The following SLC17A1 variants were observed in gnomAD, a reference collection of about 807,000 sequenced individuals.
SLC17A1 encodes sodium-dependent phosphate transport protein 1.
In SLC17A1, 51 loss-of-function variants were observed where a neutral mutation model predicts 53.5. The observed-to-expected ratio is 0.95, with a 90% CI of 0.76 to 1.20. The LOEUF (loss-of-function observed/expected upper bound fraction) is 1.20. Ranked by LOEUF, SLC17A1 falls within the 50% of genes most tolerant of loss-of-function variation. SLC17A1 has a pLI of 0.00. For synonymous variants in SLC17A1, 179 were observed against 198.8 expected (o/e 0.90, Z 0.84); for missense variants, 538 against 568.2 (o/e 0.95, Z 0.54).
intron 1 of SLC17A1, 135 bp from the exon 2 acceptor site, chr6:25,830,742 AT>A (rs1281689881): frequency 6.0e-6 from 3 of 503,662 alleles, no homozygotes; most frequent in Non-Finnish European, 1.1e-5. Context: ...ATTCACCTCC[AT>A]TATGTGCTTC....
chr6:25,826,628 C>T lies in SLC17A1; in HGVS notation c.40G>A (p.Gly14Ser), dbSNP rs779978733. The change falls in exon 3 of 13, where the codon GGT (glycine) becomes AGT (serine). Residue 14 changes from glycine (G) to serine (S), a missense_variant. By Grantham distance (56) the Gly-to-Ser change is moderately conservative (BLOSUM62 0). Coordinates refer to ENST00000244527, the MANE Select transcript of SLC17A1 (RefSeq NM_005074.5). ...AATCCATAGCGAAAGGAACAGAAACCTGGAACTACAAAGTAAAACAGAAAG... is the reference window on the plus strand; with the variant it reads ...AATCCATAGCGAAAGGAACAGAAACTTGGAACTACAAAGTAAAACAGAAAG... Reference protein sequence around the residue: ...DNRLPPKKVPGFCSFRYGLSF... With the variant: ...DNRLPPKKVPSFCSFRYGLSF... 9 of 1,560,928 alleles carry T rather than the reference C, an allele frequency of 5.8e-6. No individual in the cohort carries two copies. The highest frequency in any genetic ancestry group is 4.8e-5 in the South Asian group (4 of 83,024).
At chr6:25,761,106 G>A in the SLC17A1 span, among the ~76,000 whole-genome samples, 6 of 152,100 alleles carry the variant, frequency 3.9e-5, no homozygotes, top group African/African-American at 1.4e-4. Context: ...TTTTAGCTGG[G>A]GATGAGTTCT....
intron 12 of SLC17A1, among the ~76,000 whole-genome samples, chr6:25,793,363 T>G (rs761732768): frequency 7.2e-5 from 11 of 152,112 alleles, no homozygotes; most frequent in Non-Finnish European, 1.6e-4. Flanking sequence ...TGGGTGCAAG[T>G]GAGAACAAAT....
At chr6:25,760,889 T>G in the SLC17A1 span, among the ~76,000 whole-genome samples, 1 of 152,216 alleles carries the variant, frequency 6.6e-6, no homozygotes, top group Non-Finnish European at 1.5e-5. Flanking sequence ...ACTTACATAA[T>G]GTCTTTGTCA....
chr6:25,749,107 G>A, the SLC17A1 span, among the ~76,000 whole-genome samples: 15,615 of 152,174 alleles, frequency 0.1, 900 homozygotes, highest in Middle Eastern at 0.16. Flanking sequence ...CTCATCCCAC[G>A]AGGCCATATT....
the SLC17A1 span, among the ~76,000 whole-genome samples, chr6:25,769,584 G>GAAAT: frequency 6.6e-6 from 1 of 151,258 alleles, no homozygotes; most frequent in Admixed American, 6.6e-5. Flanking sequence ...AAGAAAGAAA[G>GAAAT]AAAAGAAAGG....
At chr6:25,781,595 C>G (rs1763269928), downstream of SLC17A1, among the ~76,000 whole-genome samples, 1 of 152,166 alleles carries the variant, frequency 6.6e-6, no homozygotes, top group African/African-American at 2.4e-5. Context: ...GATTGGGCAT[C>G]TGCATCTGGC....
downstream of SLC17A1, among the ~76,000 whole-genome samples, chr6:25,778,646 T>C (rs1329469535): frequency 2.0e-5 from 3 of 152,148 alleles, no homozygotes; most frequent in African/African-American, 7.2e-5. Context: ...GAAAGAAATC[T>C]ATGGAAGTAA....
At chr6:25,754,822 T>C in the SLC17A1 span, 1 of 152,126 alleles carries the variant, frequency 6.6e-6, no homozygotes, top group Non-Finnish European at 1.5e-5. Context: ...TATTCTGCTT[T>C]TGAGATGATG....
the SLC17A1 span, among the ~76,000 whole-genome samples, chr6:25,751,734 C>A: frequency 6.6e-6 from 1 of 152,276 alleles, no homozygotes; most frequent in South Asian, 2.1e-4. Flanking sequence ...CTTAGCTTAT[C>A]CTGACTGATA....
intron 12 of SLC17A1, among the ~76,000 whole-genome samples, chr6:25,793,331 G>T (rs115591108): frequency 0.012 from 1,782 of 152,208 alleles, 37 homozygotes; most frequent in African/African-American, 0.037. Flanking sequence ...TTTTATAGGT[G>T]CTGGGATAGA....
rs149938565 is a variant in SLC17A1 at position 25,810,121 on chromosome 6, A to G, written c.1178+1277T>C. ...TTATATAAAAATCAACTCAAAATGG[A>G]TTAAAGACTTAAACATAAGACCTGA... On this transcript the variant is annotated intron_variant, in intron 10 of 12. Transcript: ENST00000244527. Among the ~76,000 whole-genome samples, 22 of 152,234 alleles carry G rather than the reference A, an allele frequency of 1.4e-4. 1 individual carries two copies. Among genetic ancestry groups the G allele is most frequent in the African/African-American group, 4.8e-4 (20 of 41,552 alleles).
the SLC17A1 span, among the ~76,000 whole-genome samples, chr6:25,760,991 T>C: frequency 0.011 from 1,705 of 152,304 alleles, 18 homozygotes; most frequent in Non-Finnish European, 0.016. Flanking sequence ...TTTTGAGTGT[T>C]TATAATTTTT....
chr6:25,774,734 A>G, the SLC17A1 span, among the ~76,000 whole-genome samples: 250 of 152,272 alleles, frequency 1.6e-3, 5 homozygotes, highest in East Asian at 0.027. Flanking sequence ...GAAGAGGAAA[A>G]TGGGAAAATG....
intron 10 of SLC17A1, among the ~76,000 whole-genome samples, chr6:25,803,958 GT>G (rs997883594): frequency 6.6e-5 from 10 of 152,102 alleles, no homozygotes; most frequent in African/African-American, 2.4e-4. Context: ...ATAAATGGCT[GT>G]GCTGATATTG....
At chr6:25,759,960 T>C in the SLC17A1 span, among the ~76,000 whole-genome samples, 1 of 152,246 alleles carries the variant, frequency 6.6e-6, no homozygotes, top group Admixed American at 6.5e-5. Flanking sequence ...AAATATTGCT[T>C]TAAGGAATGT....
chr6:25,806,496 T>C (rs1025632730), intron 10 of SLC17A1, among the ~76,000 whole-genome samples: 1 of 152,088 alleles, frequency 6.6e-6, no homozygotes, highest in African/African-American at 2.4e-5. Flanking sequence ...TCACCACTTC[T>C]GGTTAACATT....
At chr6:25,735,337 T>A in the SLC17A1 span, among the ~76,000 whole-genome samples, 1 of 152,186 alleles carries the variant, frequency 6.6e-6, no homozygotes, top group Admixed American at 6.5e-5. Flanking sequence ...TAATACTTGG[T>A]GTTAAAGCCC....
chr6:25,816,224 A>T (rs904387528), intron 6 of SLC17A1, among the ~76,000 whole-genome samples: 1 of 152,200 alleles, frequency 6.6e-6, no homozygotes, highest in Non-Finnish European at 1.5e-5. Flanking sequence ...AGCTTGACCT[A>T]TTCCTACCCA....
Sources: gnomAD v4.1 joint callset for allele counts (sites outside exome capture counted in the v4.1 genomes callset) on GRCh38, gnomAD v4.1.1 for gene constraint, MANE v1.5 for transcripts, NCBI Gene and HGNC (gene_info 2026-07-23, HGNC 2026-07-21) for gene names.